DHRSX: variants seen among roughly 807,000 people sequenced by gnomAD.
The protein encoded by DHRSX is dehydrogenase/reductase X-linked, also known as polyprenol dehydrogenase.
A neutral mutation model predicts 34.0 loss-of-function variants in DHRSX; 31 were observed. That is an observed-to-expected ratio of 0.91 (90% CI 0.69 to 1.23). The LOEUF is 1.23. Among genes scored for constraint, DHRSX ranks in the 50% most tolerant of loss-of-function variants. The probability of loss-of-function intolerance (pLI) is 0.00; values close to 1 mark genes in which losing one functional copy is unlikely to be tolerated. For synonymous variants in DHRSX, 201 were observed against 183.8 expected, an observed-to-expected ratio of 1.09 and a Z score of -0.76; for missense variants, 414 against 428.1, an observed-to-expected ratio of 0.97 and a Z score of 0.29.
chrX:2,473,528 CAGG>C (rs2044626631), intron 1 of DHRSX, among the ~76,000 whole-genome samples: 1 of 150,822 alleles, frequency 6.6e-6, no homozygotes, highest in Non-Finnish European at 1.5e-5. Flanking sequence ...GAGACTGAGG[CAGG>C]AGAATTGCTC....
chrX:2,357,700 T>TAAAAAAAAAAAAAAAAAAAAA (rs781233833), intron 3 of DHRSX, among the ~76,000 whole-genome samples: 1 of 125,166 alleles, frequency 8.0e-6, no homozygotes, highest in Non-Finnish European at 1.7e-5. Context: ...CTCAGGAAAT[T>TAAAAAAAAAAAAAAAAAAAAA]AAAAAAAAAA....
intron 2 of DHRSX, among the ~76,000 whole-genome samples, chrX:2,417,529 C>G (rs1379035640): frequency 6.6e-6 from 1 of 152,102 alleles, no homozygotes; most frequent in African/African-American, 2.4e-5. Flanking sequence ...TCATCATGAT[C>G]TATCCACTAG....
intron 3 of DHRSX, among the ~76,000 whole-genome samples, chrX:2,374,087 T>G (rs1451474427): frequency 6.6e-6 from 1 of 152,172 alleles, no homozygotes; most frequent in Non-Finnish European, 1.5e-5. Context: ...GGCAATGGCC[T>G]ACCACCCTCA....
intron 6 of DHRSX, among the ~76,000 whole-genome samples, chrX:2,225,428 A>T (rs770058114): frequency 6.6e-6 from 1 of 152,294 alleles, no homozygotes; most frequent in South Asian, 2.1e-4. Context: ...ACTCATTCAC[A>T]TGCATACTTA....
intron 1 of DHRSX, among the ~76,000 whole-genome samples, chrX:2,462,285 A>G (rs2044413395): frequency 6.6e-6 from 1 of 152,156 alleles, no homozygotes; most frequent in African/African-American, 2.4e-5. Flanking sequence ...CTTGCCAAGA[A>G]CAATGTTTAC....
chrX:2,389,186 G>C (rs1354039391), intron 3 of DHRSX, among the ~76,000 whole-genome samples: 1 of 152,058 alleles, frequency 6.6e-6, no homozygotes, highest in Non-Finnish European at 1.5e-5. Flanking sequence ...GTCTGTTACC[G>C]GGACATAGGG....
Position 2,500,906 on chromosome X carries a change from G to A in DHRSX, c.20C>T (p.Ala7Val). ...CGCGTAGACCCGCAGGGCCGCCCGC[G>A]CCGCAGACAATGGCGACATGGCTGC... is the stretch of plus-strand genomic sequence containing the variant. MSPLSA[A>V]RAALRVYAVG... The change falls in exon 1 of 7, where the codon GCG (alanine) becomes GTG (valine). Residue 7 changes from alanine (A) to valine (V), a missense_variant. Physicochemically the swap from Ala to Val is moderately conservative, Grantham distance 64. Transcript: ENST00000334651. 8.9e-7 allele frequency: 1 copy of A among 1,119,594 alleles called. No homozygotes were observed. Among genetic ancestry groups the A allele is most frequent in the Non-Finnish European group, 1.1e-6 (1 of 914,042 alleles). 69.4% of individuals were successfully genotyped at this position (1,119,594 alleles called of 1,614,324 possible).
chrX:2,440,620 T>G (rs1181121335), intron 1 of DHRSX, among the ~76,000 whole-genome samples: 1 of 152,076 alleles, frequency 6.6e-6, no homozygotes, highest in African/African-American at 2.4e-5. Flanking sequence ...TCTCCCATGC[T>G]GGATGCTTCC....
rs185731921 is a variant in DHRSX at position 2,375,695 on chromosome X, C to T, written c.286+33050G>A. ...GTCGCCAAGCTGGAGGGCAGTAGTG[C>T]GATCTCGGCTCACTGCAACGTCCGC... On this transcript the variant is annotated intron_variant, in intron 3 of 6. Transcript: ENST00000334651. 4.1e-3 allele frequency among the ~76,000 whole-genome samples: 560 copies of T among 136,402 alleles called. 77 individuals are homozygous for T. The highest frequency in any genetic ancestry group is 0.037 in the Admixed American group (502 of 13,676). 89.5% of individuals were successfully genotyped at this position (136,402 alleles called of 152,430 possible).
At chrX:2,239,414 A>C (rs1035184210) in intron 6 of DHRSX, among the ~76,000 whole-genome samples, 2 of 151,544 alleles carry the variant, frequency 1.3e-5, no homozygotes, top group African/African-American at 4.9e-5. Context: ...ACAAAAAAAA[A>C]AAAAAATGCA....
At chrX:2,230,562 C>G (rs2015853258) in intron 6 of DHRSX, among the ~76,000 whole-genome samples, 2 of 152,186 alleles carry the variant, frequency 1.3e-5, no homozygotes, top group Non-Finnish European at 2.9e-5. Flanking sequence ...AAGCACCAGA[C>G]TGGGTAGTTT....
chrX:2,377,867 T>C (rs2043159874), intron 3 of DHRSX, among the ~76,000 whole-genome samples: 2 of 151,918 alleles, frequency 1.3e-5, no homozygotes, highest in Non-Finnish European at 2.9e-5. Flanking sequence ...GCCTCCTGAG[T>C]AGCTGGGACT....
intron 3 of DHRSX, among the ~76,000 whole-genome samples, chrX:2,365,667 T>C (rs1437438664): frequency 6.6e-6 from 1 of 152,042 alleles, no homozygotes; most frequent in African/African-American, 2.4e-5. Context: ...CTTTCACAGG[T>C]ATGCAGTCTT....
chrX:2,332,360 G>T (rs182934187), intron 3 of DHRSX, among the ~76,000 whole-genome samples: 1 of 152,106 alleles, frequency 6.6e-6, no homozygotes, highest in Non-Finnish European at 1.5e-5. Flanking sequence ...GGAAGGGATG[G>T]TCAGAAGCTA....
In DHRSX at chrX:2,486,258, A is replaced by G. The variant is rs60436267; in HGVS notation, c.109+14559T>C. Among the ~76,000 whole-genome samples, 1,201 of 152,248 alleles carry G rather than the reference A, an allele frequency of 7.9e-3. 21 individuals are homozygous for G. Among genetic ancestry groups the G allele is most frequent in the African/African-American group, 0.026 (1,090 of 41,530 alleles). On this transcript the variant is annotated intron_variant, in intron 1 of 6. Coordinates refer to ENST00000334651, the MANE Select transcript of DHRSX (RefSeq NM_145177.3). ...CATCATAACTTGAGGATTTACAGAC[A>G]AGAAAGAGGAGCACAGAACTGACCG...
chrX:2,334,140 G>C (rs1407084163), intron 3 of DHRSX, among the ~76,000 whole-genome samples: 1 of 135,290 alleles, frequency 7.4e-6, no homozygotes, highest in Non-Finnish European at 1.6e-5. Context: ...GGGTTGAATG[G>C]TAATTCTGTT....
intron 1 of DHRSX, among the ~76,000 whole-genome samples, chrX:2,475,720 A>T (rs1271377897): frequency 6.6e-6 from 1 of 152,170 alleles, no homozygotes; most frequent in Non-Finnish European, 1.5e-5. Flanking sequence ...CACACTGAAG[A>T]TGTTCCCTAA....
At chrX:2,393,068 CATT>C (rs1421685369) in intron 3 of DHRSX, among the ~76,000 whole-genome samples, 2 of 146,022 alleles carry the variant, frequency 1.4e-5, no homozygotes, top group South Asian at 2.1e-4. Context: ...CATATTATGT[CATT>C]ATGTATTTAA....
At chrX:2,406,312 A>G (rs1454833639) in intron 3 of DHRSX, among the ~76,000 whole-genome samples, 1 of 152,014 alleles carries the variant, frequency 6.6e-6, no homozygotes, top group Non-Finnish European at 1.5e-5. Flanking sequence ...AAAAAAATAA[A>G]CAAAGAAAAG....
Sources: allele counts gnomAD v4.1 joint callset (sites outside exome capture counted in the v4.1 genomes callset), GRCh38; gene constraint gnomAD v4.1.1; transcripts MANE v1.5; gene names NCBI Gene and HGNC (gene_info 2026-07-23, HGNC 2026-07-21).